Variants in PTPRB observed in about 807,000 individuals in gnomAD.
PTPRB encodes the protein receptor-type tyrosine-protein phosphatase beta.
A neutral mutation model predicts 238.1 loss-of-function variants in PTPRB; 97 were observed. The ratio of observed to expected loss-of-function variants is 0.41; its 90% CI spans 0.35 to 0.48. The LOEUF is 0.48. Ranked by LOEUF, PTPRB falls within the 20% of genes least tolerant of loss-of-function variation. The pLI is 0.30. For synonymous variants in PTPRB, 970 were observed against 995.4 expected, an observed-to-expected ratio of 0.97 and a Z score of 0.48; for missense variants, 2,292 against 2,681.9, an observed-to-expected ratio of 0.85 and a Z score of 3.21.
intron 3 of PTPRB, among the ~76,000 whole-genome samples, chr12:70,621,358 C>T (rs1338210919): frequency 6.6e-6 from 1 of 152,076 alleles, no homozygotes; most frequent in Non-Finnish European, 1.5e-5. Flanking sequence ...CACATTATTT[C>T]CTGGAGTTGG....
rs749256656 is a variant in PTPRB at position 70,555,182 on chromosome 12, T to C, written c.5121A>G (p.Thr1707=). Residue 1707 remains threonine (T), a synonymous_variant, in exon 20 of 34, where the codon ACA becomes ACG. Coordinates refer to ENST00000334414, the MANE Select transcript of PTPRB (RefSeq NM_001109754.4). ...SDTNGAVKYF[T]VVVREADGSD... is the part of the protein sequence containing the mutation. ...TACCATCAGCCTCTCTCACCACCAC[T>C]GTGAAGTATTTCACAGCTCCATTGG... The C allele has an allele frequency of 6.2e-7, 1 of 1,613,930 alleles. No homozygotes were observed. The highest frequency in any genetic ancestry group is 1.1e-5 in the South Asian group (1 of 91,074).
Position 70,572,318 on chromosome 12 carries a change from G to C in PTPRB, c.2843-231C>G, listed in dbSNP as rs146873942. ...CTGATGAACTCATTCTAAGCCTGCTGTTTGCCTGCACAAAGTGTCATGTAT... is the reference window on the plus strand; with the variant it reads ...CTGATGAACTCATTCTAAGCCTGCTCTTTGCCTGCACAAAGTGTCATGTAT... On this transcript the variant is annotated intron_variant, in intron 11 of 33. Coordinates refer to ENST00000334414, the MANE Select transcript of PTPRB (RefSeq NM_001109754.4). Among the ~76,000 whole-genome samples the C allele has an allele frequency of 2.1e-3, 323 of 152,284 alleles. 1 individual carries two copies. Among genetic ancestry groups the C allele is most frequent in the Non-Finnish European group, 2.9e-3 (200 of 68,024 alleles).
chr12:70,608,489 T>C (rs1357887315), intron 4 of PTPRB, among the ~76,000 whole-genome samples: 1 of 152,154 alleles, frequency 6.6e-6, no homozygotes, highest in Non-Finnish European at 1.5e-5. Flanking sequence ...GGAAAATAAT[T>C]GCTGTAAAGT....
At chr12:70,609,861 G>C (rs1051127665) in intron 3 of PTPRB, 1 of 1,542,866 alleles carries the variant, frequency 6.5e-7, no homozygotes, top group Admixed American at 2.0e-5. Context: ...GGCTGGACGT[G>C]GGACGGCCCG....
At chr12:70,548,789 CCT>C (rs1329855263) in intron 21 of PTPRB, among the ~76,000 whole-genome samples, 1 of 152,130 alleles carries the variant, frequency 6.6e-6, no homozygotes, top group Non-Finnish European at 1.5e-5. Flanking sequence ...TTTTATTCAC[CCT>C]CTGTTTGAAA....
At chr12:70,628,992 T>C (rs1885324730) in intron 2 of PTPRB, among the ~76,000 whole-genome samples, 1 of 152,192 alleles carries the variant, frequency 6.6e-6, no homozygotes, top group South Asian at 2.1e-4. Flanking sequence ...CTTAAAGCTT[T>C]ATTATTCCTT....
chr12:70,584,164 A>C (rs1264579277), intron 9 of PTPRB, among the ~76,000 whole-genome samples: 1 of 152,220 alleles, frequency 6.6e-6, no homozygotes. Flanking sequence ...TTTAAAATAG[A>C]TTAGACAAAG....
At chr12:70,531,768 G>A (rs1377326328) in intron 32 of PTPRB, among the ~76,000 whole-genome samples, 3 of 151,302 alleles carry the variant, frequency 2.0e-5, no homozygotes, top group Non-Finnish European at 3.0e-5. Flanking sequence ...GGGGAGAGAA[G>A]AGATTGGGAT....
intron 22 of PTPRB, chr12:70,541,450 A>T (rs1362755980): frequency 6.5e-6 from 1 of 152,832 alleles, no homozygotes; most frequent in Non-Finnish European, 1.5e-5. Context: ...CTCATTTTTA[A>T]AATAGCTTTA....
chr12:70,632,576 A>G (rs573843916), intron 2 of PTPRB, among the ~76,000 whole-genome samples: 153 of 152,074 alleles, frequency 1.0e-3, no homozygotes, highest in Non-Finnish European at 1.9e-3. Flanking sequence ...TTAAAGTATA[A>G]TTAAAAAAAA....
At chr12:70,608,764 A>T in intron 4 of PTPRB, 1 of 349,126 alleles carries the variant, frequency 2.9e-6, no homozygotes, top group South Asian at 5.1e-5. Flanking sequence ...ATGGAAGCGT[A>T]AACCACATCA....
intron 9 of PTPRB, among the ~76,000 whole-genome samples, chr12:70,582,122 T>A (rs1398893747): frequency 1.3e-5 from 2 of 152,144 alleles, no homozygotes; most frequent in Admixed American, 6.5e-5. Flanking sequence ...ATTTAACAAA[T>A]CTTATACACA....
chr12:70,551,022 A>G (rs972505880), intron 21 of PTPRB, among the ~76,000 whole-genome samples: 1 of 152,034 alleles, frequency 6.6e-6, no homozygotes, highest in Non-Finnish European at 1.5e-5. Context: ...CAGCTTCCCA[A>G]GTAGCTGGGA....
At chr12:70,630,154 A>G (rs944291603) in intron 2 of PTPRB, among the ~76,000 whole-genome samples, 8 of 152,212 alleles carry the variant, frequency 5.3e-5, no homozygotes, top group Non-Finnish European at 8.8e-5. Context: ...ATGAACATCA[A>G]TGCAAAAATC....
chr12:70,537,926 A>G (rs1432652081), intron 28 of PTPRB: 2 of 449,312 alleles, frequency 4.5e-6, no homozygotes, highest in African/African-American at 3.9e-5. Context: ...GATCTATGAA[A>G]ATGCATCTTG....
At position 70,560,261 on chromosome 12, in the gene PTPRB, G is replaced by A. The variant is rs1878313263; in HGVS notation, c.4432+410C>T. On this transcript the variant is annotated intron_variant, in intron 17 of 33. Transcript: ENST00000334414. This position sits in a 1 kb window ranked among gnomAD's most constrained non-coding sequence, Gnocchi z 4.2. ...TAATTCCATCAGATTTTGGGGTACA[G>A]GGCTGACGTCCACAGACAATTATGT... 1.3e-5 allele frequency among the ~76,000 whole-genome samples: 2 copies of A among 152,178 alleles called. No homozygotes were observed. Among genetic ancestry groups the A allele is most frequent in the South Asian group, 4.1e-4 (2 of 4,834 alleles).
intron 32 of PTPRB, among the ~76,000 whole-genome samples, chr12:70,528,055 A>G (rs1364288825): frequency 2.0e-5 from 3 of 152,234 alleles, no homozygotes; most frequent in Non-Finnish European, 4.4e-5. Context: ...AATGGCAAAA[A>G]CCGTGACTAC....
In PTPRB at chr12:70,524,560, C is replaced by G. The variant is rs770406683; in HGVS notation, c.6536G>C (p.Arg2179Thr). 2 of 1,612,760 alleles carry G rather than the reference C, an allele frequency of 1.2e-6. No homozygotes were observed. The highest frequency in any genetic ancestry group is 1.3e-5 in the African/African-American group (1 of 74,984). ...CQYVYLHQCV[R>T]DVLRARKLRS... ...TAGCTTTCTTGCTCTGAGGACATCT[C>G]TTACACACTGATGTAGGTAGACATA... Residue 2179 changes from arginine to threonine, a missense_variant, in exon 33 of 34, where the codon AGA (arginine) becomes ACA (threonine). Physicochemically the swap from Arg to Thr is moderately conservative, Grantham distance 71. Coordinates refer to ENST00000334414, the MANE Select transcript of PTPRB (RefSeq NM_001109754.4).
chr12:70,547,558 T>TGTTTTTTTTTTTTTC, intron 21 of PTPRB, among the ~76,000 whole-genome samples: 1 of 149,724 alleles, frequency 6.7e-6, no homozygotes. Context: ...AGGGTCTTGC[T>TGTTTTTTTTTTTTTC]CTGTCACCAG....
Sources: allele counts gnomAD v4.1 joint callset (sites outside exome capture counted in the v4.1 genomes callset), GRCh38; gene constraint gnomAD v4.1.1; non-coding constraint Gnocchi (gnomAD v3.1); transcripts MANE v1.5; gene names NCBI Gene and HGNC (gene_info 2026-07-23, HGNC 2026-07-21).